The following ABCC12 variants were observed in gnomAD, a reference collection of about 807,000 sequenced individuals.
ABCC12 encodes ATP binding cassette subfamily C member 12.
A neutral mutation model predicts 151.1 loss-of-function variants in ABCC12; 142 were observed. The ratio of observed to expected loss-of-function variants is 0.94; its 90% CI spans 0.82 to 1.08. The LOEUF (loss-of-function observed/expected upper bound fraction) is 1.08, where lower values mean the gene tolerates loss of function less well. ABCC12 is among the 50% of genes least tolerant of loss of function. The pLI, the probability that ABCC12 is intolerant of heterozygous loss-of-function variation, is 0.00. For missense variants in ABCC12, 1,638 were observed against 1,691.1 expected (o/e 0.97, Z 0.55); for synonymous variants, 645 against 646.4 (o/e 1.00, Z 0.03).
At chr16:48,131,078 A>G (rs1440224179) in intron 9 of ABCC12, among the ~76,000 whole-genome samples, 183 bp from the exon 10 acceptor site, 1 of 152,254 alleles carries the variant, frequency 6.6e-6, no homozygotes, top group Non-Finnish European at 1.5e-5. Flanking sequence ...GGACAGCAGC[A>G]TCTTAAATCT....
At chr16:48,153,298 T>G (rs1310367477) in intron 2 of ABCC12, among the ~76,000 whole-genome samples, 1 of 152,238 alleles carries the variant, frequency 6.6e-6, no homozygotes, top group Non-Finnish European at 1.5e-5. Flanking sequence ...TCTCTTAGCA[T>G]TATTTCTGTT....
At chr16:48,134,641 G>T (rs1964545167) in intron 8 of ABCC12, among the ~76,000 whole-genome samples, 1 of 152,174 alleles carries the variant, frequency 6.6e-6, no homozygotes, top group Admixed American at 6.5e-5. Context: ...CCAAAGGCCG[G>T]ATCCAACACT....
chr16:48,146,072 T>G (rs8054564), intron 3 of ABCC12, among the ~76,000 whole-genome samples: 1 of 152,052 alleles, frequency 6.6e-6, no homozygotes, highest in Non-Finnish European at 1.5e-5. Flanking sequence ...CTTGGACAGG[T>G]CTGGATCATG....
At chr16:48,084,136 C>A in intron 29 of ABCC12, 63 bp from the exon 30 acceptor site, 1 of 1,456,332 alleles carries the variant, frequency 6.9e-7, no homozygotes, top group Non-Finnish European at 9.2e-7. Context: ...AGCCTCGGCT[C>A]TATTTACTTT....
chr16:48,109,962 AG>A (rs1303243074), intron 18 of ABCC12, among the ~76,000 whole-genome samples: 1 of 152,174 alleles, frequency 6.6e-6, no homozygotes, highest in Non-Finnish European at 1.5e-5. Flanking sequence ...CTTGAGGACT[AG>A]GTCTCTCTCC....
chr16:48,142,074 G>C (rs1964835193), intron 4 of ABCC12, among the ~76,000 whole-genome samples: 1 of 152,136 alleles, frequency 6.6e-6, no homozygotes, highest in African/African-American at 2.4e-5. Flanking sequence ...GATGTGGGAG[G>C]AAAGGAGAAA....
chr16:48,133,357 T>C (rs141484876), intron 9 of ABCC12, among the ~76,000 whole-genome samples: 2,757 of 152,064 alleles, frequency 0.018, 79 homozygotes, highest in African/African-American at 0.064. Flanking sequence ...CCCCGGTCTC[T>C]ACTAAAAATA....
At chr16:48,107,163 G>T (rs1963520403) in intron 20 of ABCC12, among the ~76,000 whole-genome samples, 159 bp downstream of exon 20, 1 of 152,194 alleles carries the variant, frequency 6.6e-6, no homozygotes, top group Admixed American at 6.5e-5. Flanking sequence ...CCAGGGGTTT[G>T]GGTCCTGTGG....
At chr16:48,105,009 G>C in intron 21 of ABCC12, 130 bp downstream of exon 21, 1 of 1,041,222 alleles carries the variant, frequency 9.6e-7, no homozygotes, top group South Asian at 1.5e-5. Flanking sequence ...ACTCTTCCCA[G>C]ACTAGACTGC....
At position 48,082,294 on chromosome 16, in the gene ABCC12, G is replaced by A. The variant is rs1962374326; in HGVS notation, c.*1421C>T. Among the ~76,000 whole-genome samples, 1 of 152,338 alleles carries A rather than the reference G, an allele frequency of 6.6e-6. No individual in the cohort carries two copies. The highest frequency in any genetic ancestry group is 1.5e-5 in the Non-Finnish European group (1 of 68,026). Reference sequence around the variant, plus strand: ...TTATAAGCTCTACCTAAGGCCAGGTGTGCTCACCTCCCCGCTGGTTGGGTA... The same window carrying A: ...TTATAAGCTCTACCTAAGGCCAGGTATGCTCACCTCCCCGCTGGTTGGGTA... On this transcript the variant is annotated 3_prime_UTR_variant, in exon 31 of 31. Transcript: ENST00000311303.
chr16:48,102,563 G>A (rs565825414), intron 22 of ABCC12, among the ~76,000 whole-genome samples: 1 of 152,196 alleles, frequency 6.6e-6, no homozygotes, highest in East Asian at 1.9e-4. Flanking sequence ...GGTCACCACG[G>A]GAACAGTGAA....
Position 48,104,176 on chromosome 16 carries a change from C to G in ABCC12, c.2866G>C (p.Ala956Pro). The part of the protein sequence containing the change: ...AVFPAVLLVV[A>P]SLAVGFFILL... ...ATGAAGAAGCCTACAGCAAGGCTGG[C>G]CACGACTAAAAGGACAGCAGGAAAC... The change falls in exon 22 of 31, where the codon GCC becomes CCC. Residue 956 changes from alanine (A) to proline (P), a missense_variant. By Grantham distance (27) the Ala-to-Pro change is conservative. Transcript: ENST00000311303. 1 of 1,614,204 alleles carries G rather than the reference C, an allele frequency of 6.2e-7. No homozygotes were observed. The highest frequency in any genetic ancestry group is 8.5e-7 in the Non-Finnish European group (1 of 1,180,054).
intron 9 of ABCC12, among the ~76,000 whole-genome samples, chr16:48,131,621 G>A (rs939461394): frequency 3.9e-5 from 6 of 152,138 alleles, no homozygotes; most frequent in East Asian, 3.9e-4. Context: ...TTGGTGCCCC[G>A]GGGGTACATG....
At chr16:48,151,913 G>A (rs1441316168) in intron 2 of ABCC12, among the ~76,000 whole-genome samples, 2 of 152,204 alleles carry the variant, frequency 1.3e-5, no homozygotes, top group East Asian at 1.9e-4. Flanking sequence ...AGGAGGACGG[G>A]GTTAGGGAGG....
chr16:48,152,284 A>G (rs534274558), intron 2 of ABCC12, among the ~76,000 whole-genome samples: 2 of 152,314 alleles, frequency 1.3e-5, no homozygotes, highest in South Asian at 4.1e-4. Context: ...TTGGCCTCTC[A>G]TTCTTGCATA....
At chr16:48,086,661 G>A (rs1962616796) in intron 28 of ABCC12, 80 bp downstream of exon 28, 2 of 1,306,114 alleles carry the variant, frequency 1.5e-6, no homozygotes, top group Non-Finnish European at 2.2e-6. Flanking sequence ...CTAGGTGCTT[G>A]TCAAATTTAA....
In ABCC12 at chr16:48,116,144, C is replaced by T. The variant is rs534811798; in HGVS notation, c.1786-526G>A. Among the ~76,000 whole-genome samples, 18 of 152,310 alleles carry T rather than the reference C, an allele frequency of 1.2e-4. No individual in the cohort carries two copies. In the East Asian group the frequency reaches 3.5e-3, roughly 29 times the overall value. On this transcript the variant is annotated intron_variant, in intron 14 of 30. Transcript: ENST00000311303. ...TCATCATCACCACCCTAAGGCCTGG[C>T]ACCATGCTGGGCACAGAATAGGTGC...
intron 11 of ABCC12, among the ~76,000 whole-genome samples, chr16:48,125,475 T>C (rs1187781033): frequency 6.6e-6 from 1 of 152,156 alleles, no homozygotes; most frequent in African/African-American, 2.4e-5. Context: ...CCAGGGCACA[T>C]GGGCAGGGAC....
intron 2 of ABCC12, among the ~76,000 whole-genome samples, chr16:48,152,130 T>C (rs990941361): frequency 8.5e-5 from 13 of 152,212 alleles, no homozygotes; most frequent in African/African-American, 3.1e-4. Context: ...TCCATTTGTT[T>C]GTTTACCAGA....
Sources: gnomAD v4.1 joint callset for allele counts (sites outside exome capture counted in the v4.1 genomes callset) on GRCh38, gnomAD v4.1.1 for gene constraint, MANE v1.5 for transcripts, NCBI Gene and HGNC (gene_info 2026-07-23, HGNC 2026-07-21) for gene names.